STK16: variants seen among roughly 807,000 people sequenced by gnomAD.
The protein encoded by STK16 is serine/threonine kinase 16.
A neutral mutation model predicts 37.8 loss-of-function variants in STK16; 28 were observed. That is an observed-to-expected ratio of 0.74 (90% CI 0.55 to 1.02). The LOEUF is 1.02. Among genes scored for constraint, STK16 ranks in the 50% least tolerant of loss-of-function variants. The pLI, the probability that STK16 is intolerant of heterozygous loss-of-function variation, is 0.00. For missense variants in STK16, 349 were observed against 390.6 expected, an observed-to-expected ratio of 0.89 and a Z score of 0.90; for synonymous variants, 134 against 155.0, an observed-to-expected ratio of 0.86 and a Z score of 1.01.
At chr2:219,248,102 T>C in intron 6 of STK16, 91 bp from the exon 7 acceptor site, 1 of 1,561,784 alleles carries the variant, frequency 6.4e-7, no homozygotes, top group Non-Finnish European at 8.7e-7. Flanking sequence ...GTATTCTTTT[T>C]AGCTTATGGA....
In STK16 at chr2:219,247,403, A is replaced by G; in HGVS notation, c.441-12A>G. 4.3e-6 allele frequency: 7 copies of G among 1,614,044 alleles called. No individual in the cohort carries two copies. The highest frequency in any genetic ancestry group is 5.9e-6 in the Non-Finnish European group (7 of 1,180,016). On this transcript the variant is annotated splice_polypyrimidine_tract_variant and intron_variant, in intron 4 of 7. Transcript: ENST00000396738. ...CCAGAGATGCTCATAGGTCACTTCT[A>G]CTTCTCTACAGAGACTTGAAGCCCA...
rs754954645 is a variant in STK16 at position 219,246,768 on chromosome 2, C to T, written c.198C>T (p.Ala66=). 1.6e-5 allele frequency: 26 copies of T among 1,614,082 alleles called. No homozygotes were observed. Among genetic ancestry groups the T allele is most frequent in the Admixed American group, 3.3e-5 (2 of 60,004 alleles). Reference sequence around the variant, plus strand: ...ACCGGGAGGAGGCCCAGCGAGAAGCCGACATGCATCGCCTCTTCAATCACC... The same window carrying T: ...ACCGGGAGGAGGCCCAGCGAGAAGCTGACATGCATCGCCTCTTCAATCACC... The part of the protein sequence containing the change: ...QQDREEAQRE[A]DMHRLFNHPN... Residue 66 remains alanine, a synonymous_variant, in exon 3 of 8, where the codon GCC becomes GCT. Transcript: ENST00000396738. The surrounding 1 kb of genome is among the most constrained non-coding windows in gnomAD (Gnocchi z 4.5).
chr2:219,248,725 A>C lies in STK16; in HGVS notation c.*166A>C. 1 of 577,646 alleles carries C rather than the reference A, an allele frequency of 1.7e-6. No individual in the cohort carries two copies. 35.8% of individuals were successfully genotyped at this position (577,646 alleles called of 1,614,324 possible). A position where few individuals can be genotyped will look rare whatever the true frequency, so the allele number is the denominator to read the frequency against. Reference sequence around the variant, plus strand: ...CTTTTCTTCTGCTTTCTTCCCTCCAAGAGCAAAACCTGGGCAAGGGGACTT... The same window carrying C: ...CTTTTCTTCTGCTTTCTTCCCTCCACGAGCAAAACCTGGGCAAGGGGACTT... On this transcript the variant is annotated 3_prime_UTR_variant, in exon 8 of 8. Transcript: ENST00000396738.
In STK16 at chr2:219,248,885, A is replaced by C; in HGVS notation, c.*326A>C. ...GCAGGAGAATGTGTAAACAAGAATA[A>C]AGTGGAAGCAGGTTGGTGTAGATCT... On this transcript the variant is annotated 3_prime_UTR_variant, in exon 8 of 8. Coordinates refer to ENST00000396738, the MANE Select transcript of STK16 (RefSeq NM_001330213.2). The C allele has an allele frequency of 4.3e-6, 1 of 229,986 alleles. No homozygotes were observed. Among genetic ancestry groups the C allele is most frequent in the Non-Finnish European group, 8.7e-6 (1 of 115,062 alleles). 14.2% of individuals were successfully genotyped at this position (229,986 alleles called of 1,614,324 possible). A position where few individuals can be genotyped will look rare whatever the true frequency, so the allele number is the denominator to read the frequency against.
rs1449694441 is a variant in STK16, at chr2:219,245,479, A to C, written c.-422A>C. 6.5e-6 allele frequency: 1 copy of C among 153,008 alleles called. No homozygotes were observed. The highest frequency in any genetic ancestry group is 1.9e-4 in the East Asian group (1 of 5,200). 9.5% of individuals were successfully genotyped at this position (153,008 alleles called of 1,614,324 possible). A position where few individuals can be genotyped will look rare whatever the true frequency, so the allele number is the denominator to read the frequency against. On this transcript the variant is annotated 5_prime_UTR_variant, in exon 1 of 8. Transcript: ENST00000396738. ...TACGCCGGCGCGGACTGATGATGTC[A>C]GCACTGCTTCCGGTCGGTGGCGCTT...
At position 219,248,917 on chromosome 2, in the gene STK16, C is replaced by T. The variant is rs1329963653; in HGVS notation, c.*358C>T. 6.4e-6 allele frequency: 1 copy of T among 157,310 alleles called. No homozygotes were observed. Among genetic ancestry groups the T allele is most frequent in the Admixed American group, 6.8e-5 (1 of 14,692 alleles). 9.7% of individuals were successfully genotyped at this position (157,310 alleles called of 1,614,324 possible). A position where few individuals can be genotyped will look rare whatever the true frequency, so the allele number is the denominator to read the frequency against. ...AGCAGGTTGGTGTAGATCTTAGTCT[C>T]AGTGTTCCTGGAGTGAGAGAAGAGG... On this transcript the variant is annotated 3_prime_UTR_variant, in exon 8 of 8. Transcript: ENST00000396738.
Position 219,246,675 on chromosome 2 carries a change from C to T in STK16, c.105C>T (p.Asp35=), listed in dbSNP as rs780260514. 6.2e-7 allele frequency: 1 copy of T among 1,614,138 alleles called. No homozygotes were observed. Among genetic ancestry groups the T allele is most frequent in the East Asian group, 2.2e-5 (1 of 44,876 alleles). ...CCCACAGTGGGTTCAGCTATGTGGA[C>T]CTAGTGGAAGGGTTACATGATGGAC... ...KLGEGGFSYV[D]LVEGLHDGHF... is the part of the protein sequence containing the mutation. Residue 35 remains aspartate (D), a synonymous_variant, in exon 3 of 8, where the codon GAC becomes GAT. Transcript: ENST00000396738. This position sits in a 1 kb window ranked among gnomAD's most constrained non-coding sequence, Gnocchi z 4.5.
In STK16 at chr2:219,246,225, A is replaced by G; in HGVS notation, c.86+140A>G. The stretch of plus-strand genomic sequence containing the variant: ...GACAGAACCTAGCTACACAGTATCA[A>G]GAAGGTGGATTCTGGAGCCAGGCCT... On this transcript the variant is annotated intron_variant, in intron 2 of 7. Coordinates refer to ENST00000396738, the MANE Select transcript of STK16 (RefSeq NM_001330213.2). This position sits in a 1 kb window ranked among gnomAD's most constrained non-coding sequence, Gnocchi z 4.5. The G allele has an allele frequency of 1.4e-6, 1 of 713,848 alleles. No homozygotes were observed. The highest frequency in any genetic ancestry group is 1.9e-5 in the South Asian group (1 of 52,956). 44.2% of individuals were successfully genotyped at this position (713,848 alleles called of 1,614,324 possible). A position where few individuals can be genotyped will look rare whatever the true frequency, so the allele number is the denominator to read the frequency against.
chr2:219,248,403 G>A lies in STK16; in HGVS notation c.780-18G>A. The A allele has an allele frequency of 6.2e-7, 1 of 1,613,194 alleles. No individual in the cohort carries two copies. Among genetic ancestry groups the A allele is most frequent in the Non-Finnish European group, 8.5e-7 (1 of 1,179,344 alleles). ...CAGATAGGTGTCATCCGGTCACCCTGGGCTCCTCCCTCCACAGGCATTCTT... is the reference window on the plus strand; with the variant it reads ...CAGATAGGTGTCATCCGGTCACCCTAGGCTCCTCCCTCCACAGGCATTCTT... On this transcript the variant is annotated intron_variant, in intron 7 of 7. Coordinates refer to ENST00000396738, the MANE Select transcript of STK16 (RefSeq NM_001330213.2).
Position 219,250,265 on chromosome 2 carries a change from CAGAG to C in STK16, c.*1707_*1710del. On this transcript the variant is annotated 3_prime_UTR_variant, in exon 8 of 8. Transcript: ENST00000396738. The surrounding 1 kb of genome is among the most constrained non-coding windows in gnomAD (Gnocchi z 8.4). ...GGAAGGCAGCAGAAGCTCAAGCACT[CAGAG>C]GGAACAAGAAACCGTGCAAGGAAAC... The C allele has an allele frequency of 6.5e-7, 1 of 1,529,432 alleles. No individual in the cohort carries two copies. The highest frequency in any genetic ancestry group is 8.8e-7 in the Non-Finnish European group (1 of 1,136,058). 94.7% of individuals were successfully genotyped at this position (1,529,432 alleles called of 1,614,324 possible).
At position 219,248,672 on chromosome 2, in the gene STK16, G is replaced by A; in HGVS notation, c.*113G>A. Reference sequence around the variant, plus strand: ...CTTCTCTTACACTTGGGGGTAGCGGGGTCAGGACAATCATCTCAGTCCTGC... The same window carrying A: ...CTTCTCTTACACTTGGGGGTAGCGGAGTCAGGACAATCATCTCAGTCCTGC... On this transcript the variant is annotated 3_prime_UTR_variant, in exon 8 of 8. Transcript: ENST00000396738. 7.2e-7 allele frequency: 1 copy of A among 1,385,674 alleles called. No homozygotes were observed. Among genetic ancestry groups the A allele is most frequent in the Admixed American group, 2.3e-5 (1 of 42,566 alleles). The allele number at this position is 1,385,674 out of a possible 1,614,324, so 85.8% of individuals were successfully genotyped here.
chr2:219,248,350 G>T (rs764345389), intron 7 of STK16, 36 bp downstream of exon 7: 1 of 1,613,846 alleles, frequency 6.2e-7, no homozygotes, highest in Non-Finnish European at 8.5e-7. Context: ...AAGTGTTTCA[G>T]ACTCCCCCCT....
rs1386510163 is a variant in STK16 at position 219,247,684 on chromosome 2, C to T, written c.584C>T (p.Thr195Ile). ...TLQDWAAQRC[T>I]ISYRAPELFS... The stretch of plus-strand genomic sequence containing the variant: ...CAGGACTGGGCAGCCCAGCGGTGCA[C>T]CATCTCCTACCGAGCCCCAGAGCTC... The change falls in exon 6 of 8, where the codon ACC becomes ATC. Residue 195 changes from threonine (T) to isoleucine (I), a missense_variant. Physicochemically the swap from Thr to Ile is moderately conservative, Grantham distance 89 (BLOSUM62 -1). Transcript: ENST00000396738. 1.9e-6 allele frequency: 3 copies of T among 1,610,550 alleles called. No homozygotes were observed. Among genetic ancestry groups the T allele is most frequent in the South Asian group, 1.1e-5 (1 of 90,870 alleles).
rs778275983 is a variant in STK16 at position 219,250,317 on chromosome 2, C to A, written c.*1758C>A. The stretch of plus-strand genomic sequence containing the variant: ...AACTGTTTATTTCGAAAGGATTTTG[C>A]AATAAACATAGTGAATAGGCTCCAG... On this transcript the variant is annotated 3_prime_UTR_variant, in exon 8 of 8. Coordinates refer to ENST00000396738, the MANE Select transcript of STK16 (RefSeq NM_001330213.2). The surrounding 1 kb of genome is among the most constrained non-coding windows in gnomAD (Gnocchi z 8.4). 2.6e-5 allele frequency: 41 copies of A among 1,569,294 alleles called. 1 individual carries two copies. In the African/African-American group the frequency reaches 3.5e-4, roughly 14 times the overall value.
rs1039686198 is a variant in STK16, at chr2:219,248,758, G to T, written c.*199G>T. 3.8e-6 allele frequency: 2 copies of T among 531,778 alleles called. No homozygotes were observed. Among genetic ancestry groups the T allele is most frequent in the African/African-American group, 1.9e-5 (1 of 52,746 alleles). 32.9% of individuals were successfully genotyped at this position (531,778 alleles called of 1,614,324 possible). ...ACCTGGGCAAGGGGACTTACTGAGT[G>T]GGGGTGGGTGGGGGTTGGGAAAAGG... On this transcript the variant is annotated 3_prime_UTR_variant, in exon 8 of 8. Coordinates refer to ENST00000396738, the MANE Select transcript of STK16 (RefSeq NM_001330213.2).
chr2:219,248,190 C>T lies in STK16; in HGVS notation c.658-3C>T, dbSNP rs981557488. ...TTCTAGGGACTAATCAAGTTATGCTCAGTCCCTAGGCTGCGTGCTATATGC... is the reference window on the plus strand; with the variant it reads ...TTCTAGGGACTAATCAAGTTATGCTTAGTCCCTAGGCTGCGTGCTATATGC... On this transcript the variant is annotated splice_region_variant and splice_polypyrimidine_tract_variant and intron_variant, in intron 6 of 7. Transcript: ENST00000396738. The T allele has an allele frequency of 6.2e-7, 1 of 1,614,102 alleles. No homozygotes were observed. Among genetic ancestry groups the T allele is most frequent in the Non-Finnish European group, 8.5e-7 (1 of 1,179,992 alleles).
chr2:219,247,657 TCCAGGACTGGGCAG>T lies in STK16; in HGVS notation c.562-2_573del. 6.2e-7 allele frequency: 1 copy of T among 1,612,340 alleles called. No homozygotes were observed. The highest frequency in any genetic ancestry group is 8.5e-7 in the Non-Finnish European group (1 of 1,178,620). ...CACTTTTGAGCTCTGGGATCACTGT[TCCAGGACTGGGCAG>T]CCCAGCGGTGCACCATCTCCTACCG... On this transcript the variant is annotated splice_acceptor_variant and splice_polypyrimidine_tract_variant and coding_sequence_variant and intron_variant, in exon 6 of 8. Coordinates refer to ENST00000396738, the MANE Select transcript of STK16 (RefSeq NM_001330213.2). LOFTEE classifies it high-confidence loss of function.
At chr2:219,247,935 G>A in intron 6 of STK16, 178 bp downstream of exon 6, 1 of 822,018 alleles carries the variant, frequency 1.2e-6, no homozygotes, top group Non-Finnish European at 2.0e-6. Context: ...TGTACCGGAT[G>A]TGGTATAATC....
chr2:219,247,769 G>A lies in STK16; in HGVS notation c.657+12G>A, dbSNP rs75042272. The A allele has an allele frequency of 4.3e-3, 6,727 of 1,562,574 alleles. 255 individuals carry two copies. In the African/African-American group the frequency reaches 0.081, roughly 19 times the overall value. On this transcript the variant is annotated intron_variant, in intron 6 of 7. Transcript: ENST00000396738. ...GGACTGATGTCTGGGTGAGGAGCAT[G>A]TGGGTGGGTATCTGGGTAGGGAGGG...
Sources: gnomAD v4.1 joint callset for allele counts on GRCh38, gnomAD v4.1.1 for gene constraint, Gnocchi (gnomAD v3.1) non-coding constraint, MANE v1.5 for transcripts, NCBI Gene and HGNC (gene_info 2026-07-23, HGNC 2026-07-21) for gene names.